Variants in EDC4 observed in about 807,000 individuals in gnomAD.
EDC4 encodes enhancer of mRNA-decapping protein 4.
Under a neutral mutation model 155.8 loss-of-function variants are expected in EDC4, and 64 were observed. That is an observed-to-expected ratio of 0.41 (90% CI 0.34 to 0.51). The LOEUF is 0.51. EDC4 is among the 20% of genes least tolerant of loss of function. The pLI, the probability that EDC4 is intolerant of heterozygous loss-of-function variation, is 0.19. For missense variants in EDC4, 1,303 were observed against 1,812.5 expected (o/e 0.72, Z 5.10); for synonymous variants, 684 against 716.8 (o/e 0.95, Z 0.73).
chr16:67,873,217 C>A lies in EDC4; in HGVS notation c.-45C>A. 1 of 1,335,944 alleles carries A rather than the reference C, an allele frequency of 7.5e-7. No individual in the cohort carries two copies. The allele number at this position is 1,335,944 out of a possible 1,614,324, so 82.8% of individuals were successfully genotyped here. A position where few individuals can be genotyped will look rare whatever the true frequency, so the allele number is the denominator to read the frequency against. On this transcript the variant is annotated 5_prime_UTR_variant, in exon 1 of 29. Transcript: ENST00000358933. ...AGCGAGGGTGCGTGGTGCGCGGCGGCGGCGGAACGAACGCGGTGCGGGCGG... is the reference window on the plus strand; with the variant it reads ...AGCGAGGGTGCGTGGTGCGCGGCGGAGGCGGAACGAACGCGGTGCGGGCGG...
At chr16:67,875,904 A>G (rs1193144256) in intron 1 of EDC4, 41 bp from the exon 2 acceptor site, 1 of 1,592,092 alleles carries the variant, frequency 6.3e-7, no homozygotes, top group South Asian at 1.1e-5. Context: ...GCTTGTGGGC[A>G]GGTCGAGCAA....
rs2058061770 is a variant in EDC4, at chr16:67,880,409, T to C, written c.2098-148T>C. On this transcript the variant is annotated intron_variant, in intron 17 of 28. Transcript: ENST00000358933. This position sits in a 1 kb window ranked among gnomAD's most constrained non-coding sequence, Gnocchi z 5.2. ...TCAGCCTCCCTGTCCCCACCTCCTC[T>C]TCTTGGCTGTGGCCTCGTTTTTGAC... The C allele has an allele frequency of 1.5e-6, 2 of 1,357,494 alleles. No individual in the cohort carries two copies. Among genetic ancestry groups the C allele is most frequent in the Admixed American group, 2.1e-5 (1 of 47,578 alleles). The allele number at this position is 1,357,494 out of a possible 1,614,324, so 84.1% of individuals were successfully genotyped here.
rs146230242 is a variant in EDC4 at position 67,877,354 on chromosome 16, G to A, written c.589G>A (p.Glu197Lys). 4.2e-5 allele frequency: 68 copies of A among 1,613,922 alleles called. No individual in the cohort carries two copies. The African/African-American group carries it at 7.7e-4, about 18-fold the overall frequency. ...LNSPQLACLD[E>K]AGNLFVWRLA... ...CTCTCCACAGCTGGCCTGCCTGGAT[G>A]AGGCAGGCAACCTGTTCGTGTGGCG... Residue 197 changes from glutamate to lysine, a missense_variant, in exon 5 of 29, where the codon GAG becomes AAG. By Grantham distance (56) the Glu-to-Lys change is moderately conservative. Around this residue, in one of 5 missense-constraint regions of EDC4, gnomAD observed 235 missense variants for 367.7 expected, o/e 0.64. Coordinates refer to ENST00000358933, the MANE Select transcript of EDC4 (RefSeq NM_014329.5). The surrounding 1 kb of genome is among the most constrained non-coding windows in gnomAD (Gnocchi z 4.9).
intron 1 of EDC4, chr16:67,875,611 T>G: frequency 2.2e-6 from 1 of 460,918 alleles, no homozygotes; most frequent in Admixed American, 5.4e-5. Context: ...TCACACTAAC[T>G]GCTGTATAAA....
Position 67,878,910 on chromosome 16 carries a change from A to C in EDC4, c.1288-47A>C. The C allele has an allele frequency of 1.2e-6, 2 of 1,611,246 alleles. No individual in the cohort carries two copies. The highest frequency in any genetic ancestry group is 1.7e-4 in the Middle Eastern group (1 of 6,060). ...AAGGCCGGGGGGCAGGTGGCGCATC[A>C]CAGCCCTTAGCCTCTGAGCTCAGCT... On this transcript the variant is annotated intron_variant, in intron 11 of 28. Transcript: ENST00000358933. The surrounding 1 kb of genome is among the most constrained non-coding windows in gnomAD (Gnocchi z 5.2).
rs1476516512 is a variant in EDC4, at chr16:67,879,349, C to G, written c.1541+40C>G. On this transcript the variant is annotated intron_variant, in intron 13 of 28. Coordinates refer to ENST00000358933, the MANE Select transcript of EDC4 (RefSeq NM_014329.5). The surrounding 1 kb of genome is among the most constrained non-coding windows in gnomAD (Gnocchi z 6.0). ...AGGCCCGCCAGTGTCCTGTCTGTGT[C>G]TGTCTCCACTCTACTGACCCTTGCC... 5.0e-6 allele frequency: 8 copies of G among 1,614,080 alleles called. No homozygotes were observed. Among genetic ancestry groups the G allele is most frequent in the African/African-American group, 1.3e-5 (1 of 74,920 alleles).
Position 67,877,291 on chromosome 16 carries a change from A to G in EDC4, c.526A>G (p.Thr176Ala), listed in dbSNP as rs780192065. 4 of 1,614,192 alleles carry G rather than the reference A, an allele frequency of 2.5e-6. No homozygotes were observed. In the South Asian group the frequency reaches 4.4e-5, roughly 18 times the overall value. The change falls in exon 5 of 29, where the codon ACA becomes GCA. Residue 176 changes from threonine (T) to alanine (A), a missense_variant. By Grantham distance (58) the Thr-to-Ala change is moderately conservative. This residue lies in a region of EDC4 where 51 missense variants were observed against 121.1 expected (regional missense o/e 0.42). Coordinates refer to ENST00000358933, the MANE Select transcript of EDC4 (RefSeq NM_014329.5). The surrounding 1 kb of genome is among the most constrained non-coding windows in gnomAD (Gnocchi z 4.9). Reference sequence around the variant, plus strand: ...GGAGCGGACCTTGCTCAAGGGCTTCACAGGCAGTGTGGCTGATCTGGCTTT... The same window carrying G: ...GGAGCGGACCTTGCTCAAGGGCTTCGCAGGCAGTGTGGCTGATCTGGCTTT... ...TSERTLLKGF[T>A]GSVADLAFAH...
In EDC4 at chr16:67,878,017, A is replaced by G. The variant is rs1056465671; in HGVS notation, c.895-149A>G. ...TTCTCCTTATCTAGCAGCACCCTGCAGGTCTGGCCTTCTCTAGGAACCCTG... is the reference window on the plus strand; with the variant it reads ...TTCTCCTTATCTAGCAGCACCCTGCGGGTCTGGCCTTCTCTAGGAACCCTG... On this transcript the variant is annotated intron_variant, in intron 7 of 28. Transcript: ENST00000358933. The surrounding 1 kb of genome is among the most constrained non-coding windows in gnomAD (Gnocchi z 5.2). 1.3e-6 allele frequency: 2 copies of G among 1,484,678 alleles called. No homozygotes were observed. Among genetic ancestry groups the G allele is most frequent in the Non-Finnish European group, 1.8e-6 (2 of 1,104,430 alleles). 92.0% of individuals were successfully genotyped at this position (1,484,678 alleles called of 1,614,324 possible). A position where few individuals can be genotyped will look rare whatever the true frequency, so the allele number is the denominator to read the frequency against.
Position 67,877,693 on chromosome 16 carries a change from G to A in EDC4, c.789+37G>A, listed in dbSNP as rs922126663. 5.6e-6 allele frequency: 9 copies of A among 1,614,120 alleles called. No individual in the cohort carries two copies. Among genetic ancestry groups the A allele is most frequent in the Non-Finnish European group, 7.6e-6 (9 of 1,180,012 alleles). On this transcript the variant is annotated intron_variant, in intron 6 of 28. Coordinates refer to ENST00000358933, the MANE Select transcript of EDC4 (RefSeq NM_014329.5). This position sits in a 1 kb window ranked among gnomAD's most constrained non-coding sequence, Gnocchi z 4.9. Reference sequence around the variant, plus strand: ...GACATGGCGAAGAGGCGCCAGAGAAGCCATAGTGTGGGGTTGGGCTGCACA... The same window carrying A: ...GACATGGCGAAGAGGCGCCAGAGAAACCATAGTGTGGGGTTGGGCTGCACA...
intron 1 of EDC4, among the ~76,000 whole-genome samples, chr16:67,875,028 C>T (rs2058036085): frequency 1.3e-5 from 2 of 152,282 alleles, no homozygotes; most frequent in South Asian, 2.1e-4. Context: ...TGCCATGAGC[C>T]GAGATCGCGC....
At position 67,883,774 on chromosome 16, in the gene EDC4, G is replaced by A. The variant is rs746064101; in HGVS notation, c.4013+43G>A. The A allele has an allele frequency of 1.2e-6, 2 of 1,604,382 alleles. No homozygotes were observed. Among genetic ancestry groups the A allele is most frequent in the South Asian group, 1.1e-5 (1 of 90,842 alleles). On this transcript the variant is annotated intron_variant, in intron 28 of 28. Transcript: ENST00000358933. The surrounding 1 kb of genome is among the most constrained non-coding windows in gnomAD (Gnocchi z 5.3). ...GGGATGGGGAGATGAGCTGGGGAGT[G>A]GGGCAGTGGGAGGGAGCAGTTTGAA...
Position 67,876,165 on chromosome 16 carries a change from A to C in EDC4, c.239+64A>C. ...TTTGGGGTGTCTGCTAGCTGAAGGC[A>C]TGAGATGGGGAGTGAGCGGGGCCAG... is the stretch of plus-strand genomic sequence containing the variant. On this transcript the variant is annotated intron_variant, in intron 2 of 28. Coordinates refer to ENST00000358933, the MANE Select transcript of EDC4 (RefSeq NM_014329.5). This position sits in a 1 kb window ranked among gnomAD's most constrained non-coding sequence, Gnocchi z 5.8. 1 of 1,545,816 alleles carries C rather than the reference A, an allele frequency of 6.5e-7. No homozygotes were observed. The highest frequency in any genetic ancestry group is 8.9e-7 in the Non-Finnish European group (1 of 1,124,354).
At chr16:67,875,355 ATCT>A (rs1390397968) in intron 1 of EDC4, among the ~76,000 whole-genome samples, 1 of 152,126 alleles carries the variant, frequency 6.6e-6, no homozygotes. Context: ...TTAGGAGCCC[ATCT>A]TCTCTCCAAA....
In EDC4 at chr16:67,880,332, C is replaced by CGTGTTTCCCTGAGGTCATTTCACCCTCCT; in HGVS notation, c.2097+125_2097+153dup. ...TGATCCTGCTCTACCCGACATGGTCCGTGTTTCCCTGAGGTCATTTCACCC... is the reference window on the plus strand; with the variant it reads ...TGATCCTGCTCTACCCGACATGGTCCGTGTTTCCCTGAGGTCATTTCACCCTCCTGTGTTTCCCTGAGGTCATTTCACCC... On this transcript the variant is annotated intron_variant, in intron 17 of 28. Coordinates refer to ENST00000358933, the MANE Select transcript of EDC4 (RefSeq NM_014329.5). The surrounding 1 kb of genome is among the most constrained non-coding windows in gnomAD (Gnocchi z 5.2). The CGTGTTTCCCTGAGGTCATTTCACCCTCCT allele has an allele frequency of 5.5e-6, 8 of 1,456,950 alleles. No individual in the cohort carries two copies. Among genetic ancestry groups the CGTGTTTCCCTGAGGTCATTTCACCCTCCT allele is most frequent in the Non-Finnish European group, 5.5e-6 (6 of 1,095,342 alleles). 90.3% of individuals were successfully genotyped at this position (1,456,950 alleles called of 1,614,324 possible).
chr16:67,878,779 C>G lies in EDC4; in HGVS notation c.1227C>G (p.Ser409Arg). The G allele has an allele frequency of 1.2e-6, 2 of 1,614,152 alleles. No homozygotes were observed. Among genetic ancestry groups the G allele is most frequent in the Non-Finnish European group, 8.5e-7 (1 of 1,180,038 alleles). Residue 409 changes from serine (S) to arginine (R), a missense_variant, in exon 11 of 29, where the codon AGC becomes AGG. Ser to Arg is a moderately radical substitution (Grantham distance 110). This residue lies in a region of EDC4 where 235 missense variants were observed against 367.7 expected (regional missense o/e 0.64). Transcript: ENST00000358933. The surrounding 1 kb of genome is among the most constrained non-coding windows in gnomAD (Gnocchi z 5.2). ...TCAGCTCAGTGAGTGTGCCCCCTAGCCTCAAGGTTTGCTTGGACCTCTCAG... is the reference window on the plus strand; with the variant it reads ...TCAGCTCAGTGAGTGTGCCCCCTAGGCTCAAGGTTTGCTTGGACCTCTCAG... ...DIFSSVSVPP[S>R]LKVCLDLSAE...
In EDC4 at chr16:67,878,183, CCTCT is replaced by C. The variant is rs1485471698; in HGVS notation, c.916_919del (p.Ser306LeufsTer74). On this transcript the variant is annotated frameshift_variant, in exon 8 of 29. Coordinates refer to ENST00000358933, the MANE Select transcript of EDC4 (RefSeq NM_014329.5). LOFTEE classifies it high-confidence loss of function. This position sits in a 1 kb window ranked among gnomAD's most constrained non-coding sequence, Gnocchi z 5.2. ...CTTTCTAGTGCCTCAGTGAAGGAGCCCTCTCTCCTGATGGGACTGTGCTGGCTAC... is the reference window on the plus strand; with the variant it reads ...CTTTCTAGTGCCTCAGTGAAGGAGCCCTCCTGATGGGACTGTGCTGGCTAC... The C allele has an allele frequency of 6.2e-7, 1 of 1,614,044 alleles. No homozygotes were observed. The highest frequency in any genetic ancestry group is 8.5e-7 in the Non-Finnish European group (1 of 1,180,044).
chr16:67,877,418 T>C lies in EDC4; in HGVS notation c.641+12T>C, dbSNP rs141591321. 1 of 1,611,766 alleles carries C rather than the reference T, an allele frequency of 6.2e-7. No homozygotes were observed. The highest frequency in any genetic ancestry group is 1.3e-5 in the African/African-American group (1 of 75,022). ...AATGGCAAAATTCAGTATCCATTCC[T>C]TCCTGTGGGTGGTGGGACTGAAGAA... On this transcript the variant is annotated intron_variant, in intron 5 of 28. Coordinates refer to ENST00000358933, the MANE Select transcript of EDC4 (RefSeq NM_014329.5). This position sits in a 1 kb window ranked among gnomAD's most constrained non-coding sequence, Gnocchi z 4.9.
rs1321316943 is a variant in EDC4, at chr16:67,879,270, C to T, written c.1502C>T (p.Ala501Val). ...GTHGAGAMES[A>V]AGVLIKLFCV... The stretch of plus-strand genomic sequence containing the variant: ...CATGGAGCCGGTGCCATGGAGTCTG[C>T]GGCCGGTGTGCTCATCAAGCTCTTT... Residue 501 changes from alanine to valine, a missense_variant, in exon 13 of 29, where the codon GCG becomes GTG. Ala to Val is a moderately conservative substitution (Grantham distance 64). Coordinates refer to ENST00000358933, the MANE Select transcript of EDC4 (RefSeq NM_014329.5). This position sits in a 1 kb window ranked among gnomAD's most constrained non-coding sequence, Gnocchi z 6.0. The T allele has an allele frequency of 1.2e-5, 20 of 1,614,040 alleles. No individual in the cohort carries two copies. The highest frequency in any genetic ancestry group is 2.2e-5 in the East Asian group (1 of 44,892).
intron 1 of EDC4, chr16:67,875,628 C>T (rs1027323192): frequency 2.7e-6 from 2 of 739,426 alleles, no homozygotes; most frequent in African/African-American, 3.7e-5. Context: ...TAAAGTCTTT[C>T]CTGACCCCTC....
Sources: allele counts gnomAD v4.1 joint callset (sites outside exome capture counted in the v4.1 genomes callset), GRCh38; gene constraint gnomAD v4.1.1; regional missense constraint gnomAD v4.1.1; non-coding constraint Gnocchi (gnomAD v3.1); transcripts MANE v1.5; gene names NCBI Gene and HGNC (gene_info 2026-07-23, HGNC 2026-07-21).